The following FGF14 variants were observed in gnomAD, a reference collection of about 807,000 sequenced individuals.
The protein encoded by FGF14 is fibroblast growth factor homologous factor 4.
FGF14 carries 5 observed loss-of-function variants against 25.5 expected under a neutral mutation model. The ratio of observed to expected loss-of-function variants is 0.20; its 90% CI spans 0.10 to 0.41. FGF14 has a LOEUF of 0.41. FGF14 is among the 10% of genes least tolerant of loss of function. FGF14 has a pLI of 1.00. For missense variants in FGF14, 222 were observed against 320.1 expected (o/e 0.69, Z 2.34); for synonymous variants, 138 against 118.3 (o/e 1.17, Z -1.08).
At chr13:101,923,248 TCAACATCTC>T in intron 1 of FGF14, among the ~76,000 whole-genome samples, 1 of 152,104 alleles carries the variant, frequency 6.6e-6, no homozygotes, top group East Asian at 1.9e-4. Flanking sequence ...TTGACATTTT[TCAACATCTC>T]CAAAATTAAA....
intron 1 of FGF14, among the ~76,000 whole-genome samples, chr13:102,159,139 C>CAAAAAAAAAAA (rs1228096265): frequency 2.7e-5 from 2 of 74,102 alleles, no homozygotes; most frequent in African/African-American, 5.0e-5. Flanking sequence ...GACTCTGTCT[C>CAAAAAAAAAAA]AAAAAAAAAA....
intron 1 of FGF14, among the ~76,000 whole-genome samples, chr13:102,397,376 T>C (rs764269281): frequency 2.6e-5 from 4 of 152,184 alleles, no homozygotes; most frequent in African/African-American, 4.8e-5. Flanking sequence ...AAGCCCTGCA[T>C]GTTCCACCTC....
At chr13:102,116,549 A>C (rs1594017579) in intron 1 of FGF14, among the ~76,000 whole-genome samples, 1 of 152,320 alleles carries the variant, frequency 6.6e-6, no homozygotes, top group East Asian at 1.9e-4. Flanking sequence ...TATTATATTA[A>C]GTAAAATAAG....
intron 1 of FGF14, among the ~76,000 whole-genome samples, chr13:101,934,989 G>T (rs1356384345): frequency 6.6e-6 from 1 of 151,928 alleles, no homozygotes; most frequent in East Asian, 1.9e-4. Context: ...ATATTGTATT[G>T]GCTCCTAGAA....
At chr13:102,307,209 C>T (rs1324897537) in intron 1 of FGF14, among the ~76,000 whole-genome samples, 1 of 152,100 alleles carries the variant, frequency 6.6e-6, no homozygotes, top group Non-Finnish European at 1.5e-5. Context: ...AATCCCATGA[C>T]CATATGGAAC....
chr13:102,201,075 T>C (rs907671706), intron 1 of FGF14, among the ~76,000 whole-genome samples: 14 of 116,362 alleles, frequency 1.2e-4, no homozygotes, highest in African/African-American at 4.5e-4. Context: ...CACTCCAGCT[T>C]GGGCGACAGA....
chr13:102,238,194 G>T (rs1406547102), intron 1 of FGF14, among the ~76,000 whole-genome samples: 1 of 152,146 alleles, frequency 6.6e-6, no homozygotes, highest in East Asian at 1.9e-4. Context: ...ATTAAAGAAA[G>T]GATTTAACAA....
intron 1 of FGF14, among the ~76,000 whole-genome samples, chr13:102,302,180 T>C (rs2055102942): frequency 6.6e-6 from 1 of 152,198 alleles, no homozygotes; most frequent in Non-Finnish European, 1.5e-5. Flanking sequence ...ATATCTAGCA[T>C]ATTGAATTGT....
intron 1 of FGF14, chr13:102,368,098 CT>C (rs1326851307): frequency 5.9e-5 from 9 of 152,170 alleles, no homozygotes; most frequent in Non-Finnish European, 1.2e-4. Flanking sequence ...GGGAAGTCCC[CT>C]GGCATCAGAG....
chr13:102,081,972 A>T (rs114648813), intron 1 of FGF14, among the ~76,000 whole-genome samples: 1,669 of 152,324 alleles, frequency 0.011, 26 homozygotes, highest in African/African-American at 0.038. Flanking sequence ...AGTAACAAAC[A>T]TTTAAAATTA....
chr13:101,782,512 AT>A (rs1345870628), intron 3 of FGF14, among the ~76,000 whole-genome samples: 1 of 152,044 alleles, frequency 6.6e-6, no homozygotes, highest in Non-Finnish European at 1.5e-5. Flanking sequence ...CCCATTAATT[AT>A]TTTTCCTGAT....
At chr13:102,158,054 T>C (rs373561060) in intron 1 of FGF14, among the ~76,000 whole-genome samples, 37 of 152,260 alleles carry the variant, frequency 2.4e-4, no homozygotes, top group East Asian at 5.8e-4. Context: ...GAAATAGGAA[T>C]ACTTTTACAC....
chr13:102,095,521 A>T (rs539584354), intron 1 of FGF14, among the ~76,000 whole-genome samples: 3 of 152,198 alleles, frequency 2.0e-5, no homozygotes, highest in African/African-American at 7.2e-5. Flanking sequence ...CAGAAATTAC[A>T]ATGTATTTTC....
intron 1 of FGF14, among the ~76,000 whole-genome samples, chr13:102,328,810 T>C (rs987153406): frequency 6.6e-6 from 1 of 152,198 alleles, no homozygotes. Context: ...CCAGGAGTTA[T>C]AAGAGTATTC....
intron 3 of FGF14, among the ~76,000 whole-genome samples, chr13:101,746,933 C>T (rs1257183099): frequency 2.0e-5 from 3 of 151,922 alleles, no homozygotes; most frequent in Non-Finnish European, 2.9e-5. Context: ...CATTCTACAC[C>T]TTTTGACTCT....
At chr13:102,037,154 T>A (rs1478641655) in intron 1 of FGF14, among the ~76,000 whole-genome samples, 1 of 152,188 alleles carries the variant, frequency 6.6e-6, no homozygotes, top group African/African-American at 2.4e-5. Flanking sequence ...GATTTTATTA[T>A]GAAGGTATAT....
intron 1 of FGF14, among the ~76,000 whole-genome samples, chr13:102,074,332 C>T (rs1043309848): frequency 6.6e-6 from 1 of 152,140 alleles, no homozygotes; most frequent in Non-Finnish European, 1.5e-5. Flanking sequence ...TTTATGAGCT[C>T]CAGGTTTACA....
chr13:102,158,319 ACCATGGAATACTATGCAG>A (rs1003281123), intron 1 of FGF14, among the ~76,000 whole-genome samples: 7 of 152,304 alleles, frequency 4.6e-5, no homozygotes, highest in African/African-American at 1.7e-4. Flanking sequence ...GCACATGTAC[ACCATGGAATACTATGCAG>A]CCATAAAAAA....
intron 3 of FGF14, among the ~76,000 whole-genome samples, chr13:101,824,092 AG>A (rs2042290943): frequency 6.6e-6 from 1 of 152,144 alleles, no homozygotes; most frequent in South Asian, 2.1e-4. Context: ...ATTTGTCCAA[AG>A]TACTTAAAAT....
Sources: allele counts gnomAD v4.1 joint callset (sites outside exome capture counted in the v4.1 genomes callset), GRCh38; gene constraint gnomAD v4.1.1; transcripts MANE v1.5; gene names NCBI Gene and HGNC (gene_info 2026-07-23, HGNC 2026-07-21).